Variants in SYT1 observed in about 807,000 individuals in gnomAD.
SYT1 encodes the protein synaptotagmin 1.
In SYT1, 8 loss-of-function variants were observed where a neutral mutation model predicts 44.8. The ratio of observed to expected loss-of-function variants is 0.18; its 90% CI spans 0.10 to 0.32. SYT1 has a LOEUF of 0.32. SYT1 is among the 10% of genes least tolerant of loss of function. SYT1 has a pLI of 1.00. For synonymous variants in SYT1, 154 were observed against 188.8 expected, an observed-to-expected ratio of 0.82 and a Z score of 1.51; for missense variants, 286 against 509.3, an observed-to-expected ratio of 0.56 and a Z score of 4.22.
chr12:79,402,210 T>C (rs1316602327), intron 9 of SYT1, among the ~76,000 whole-genome samples: 2 of 152,130 alleles, frequency 1.3e-5, no homozygotes, highest in African/African-American at 2.4e-5. Context: ...GTTTCCATAA[T>C]GCTACACGCA....
intron 3 of SYT1, among the ~76,000 whole-genome samples, chr12:79,213,314 A>G (rs570663500): frequency 5.6e-4 from 85 of 152,222 alleles, no homozygotes; most frequent in South Asian, 1.2e-3. Context: ...AAAAAACAGG[A>G]TTATATTGGA....
intron 3 of SYT1, among the ~76,000 whole-genome samples, chr12:79,179,138 A>G (rs1242051217): frequency 8.4e-6 from 1 of 119,418 alleles, no homozygotes; most frequent in Non-Finnish European, 1.6e-5. Context: ...ATATATAGAT[A>G]TAGATATAGA....
intron 3 of SYT1, among the ~76,000 whole-genome samples, chr12:79,150,173 C>G (rs1352471662): frequency 6.6e-6 from 1 of 152,090 alleles, no homozygotes; most frequent in Non-Finnish European, 1.5e-5. Context: ...AAAATCTACT[C>G]TTTTAACAAT....
intron 4 of SYT1, among the ~76,000 whole-genome samples, chr12:79,222,809 TC>T (rs1296598204): frequency 1.3e-5 from 2 of 152,182 alleles, no homozygotes; most frequent in African/African-American, 4.8e-5. Context: ...CATTCTTTTT[TC>T]TTCTCTGACT....
intron 2 of SYT1, among the ~76,000 whole-genome samples, chr12:79,013,849 C>A (rs772327781): frequency 6.6e-6 from 1 of 151,966 alleles, no homozygotes; most frequent in African/African-American, 2.4e-5. Flanking sequence ...GCCTTCAGGC[C>A]GGACGCCGTG....
chr12:79,232,140 A>G (rs1452101730), intron 4 of SYT1, among the ~76,000 whole-genome samples: 2 of 152,222 alleles, frequency 1.3e-5, no homozygotes, highest in Non-Finnish European at 2.9e-5. Flanking sequence ...GTGTATATAA[A>G]GTGCTTAAAA....
intron 2 of SYT1, among the ~76,000 whole-genome samples, chr12:79,041,395 G>C (rs1873560276): frequency 6.6e-6 from 1 of 152,024 alleles, no homozygotes; most frequent in Non-Finnish European, 1.5e-5. Context: ...AATTGTGAAT[G>C]GGATTTCACT....
intron 1 of SYT1, among the ~76,000 whole-genome samples, chr12:78,959,910 G>A (rs1879416471): frequency 6.6e-6 from 1 of 152,172 alleles, no homozygotes; most frequent in Admixed American, 6.5e-5. Flanking sequence ...TGTGGTTATA[G>A]AGTTTGAACT....
At chr12:79,407,952 T>C (rs1428282098) in intron 9 of SYT1, among the ~76,000 whole-genome samples, 2 of 152,260 alleles carry the variant, frequency 1.3e-5, no homozygotes, top group East Asian at 1.9e-4. Flanking sequence ...TCAAACTGCC[T>C]TCTAACACTG....
At chr12:79,283,489 C>T (rs995152441) in intron 4 of SYT1, among the ~76,000 whole-genome samples, 1 of 152,048 alleles carries the variant, frequency 6.6e-6, no homozygotes, top group African/African-American at 2.4e-5. Context: ...TTTGTCTTGT[C>T]TTGTACAATT....
intron 3 of SYT1, among the ~76,000 whole-genome samples, chr12:79,104,916 T>C (rs1005356570): frequency 2.0e-5 from 3 of 151,902 alleles, no homozygotes; most frequent in Non-Finnish European, 4.4e-5. Flanking sequence ...GGAAATAGAT[T>C]TATTAGAGAT....
At chr12:79,229,205 C>T (rs545278138) in intron 4 of SYT1, among the ~76,000 whole-genome samples, 4 of 152,178 alleles carry the variant, frequency 2.6e-5, no homozygotes, top group African/African-American at 7.2e-5. Flanking sequence ...GCAGCCTAAA[C>T]GGGGAGGAGG....
chr12:78,897,464 T>A (rs888599097), intron 1 of SYT1, among the ~76,000 whole-genome samples: 1 of 151,952 alleles, frequency 6.6e-6, no homozygotes, highest in Non-Finnish European at 1.5e-5. Context: ...TAAAAGTGGA[T>A]CTTCATCATT....
At chr12:79,366,401 C>T (rs1195687569) in intron 9 of SYT1, among the ~76,000 whole-genome samples, 1 of 152,220 alleles carries the variant, frequency 6.6e-6, no homozygotes, top group Non-Finnish European at 1.5e-5. Flanking sequence ...CCTTAAAAGC[C>T]TCCCATCAGG....
At chr12:78,931,238 A>AGAAAGAAAGATGGAAG (rs1877667216) in intron 1 of SYT1, among the ~76,000 whole-genome samples, 1 of 41,120 alleles carries the variant, frequency 2.4e-5, no homozygotes, top group Non-Finnish European at 4.2e-5. Context: ...AAAGAAAGAA[A>AGAAAGAAAGATGGAAG]GAAGGAAGGA....
At chr12:79,333,368 C>T (rs934171306) in intron 8 of SYT1, among the ~76,000 whole-genome samples, 2 of 152,122 alleles carry the variant, frequency 1.3e-5, no homozygotes, top group East Asian at 3.9e-4. Flanking sequence ...GCCCTCATCA[C>T]CTAATCACCT....
chr12:78,875,944 C>G (rs955746282), intron 1 of SYT1, among the ~76,000 whole-genome samples: 5 of 151,616 alleles, frequency 3.3e-5, no homozygotes, highest in Admixed American at 2.6e-4. Context: ...CTTTCCCTTT[C>G]CCCTCATTTC....
chr12:79,004,378 G>T (rs1241538082), intron 2 of SYT1, among the ~76,000 whole-genome samples: 1 of 151,624 alleles, frequency 6.6e-6, no homozygotes, highest in East Asian at 1.9e-4. Context: ...TGGATATGAA[G>T]CACTGAGGAC....
chr12:79,122,855 A>T (rs1001874119), intron 3 of SYT1, among the ~76,000 whole-genome samples: 1 of 152,194 alleles, frequency 6.6e-6, no homozygotes, highest in African/African-American at 2.4e-5. Flanking sequence ...TCCAAGTTAT[A>T]ATTCTAACTG....
Sources: allele counts gnomAD v4.1 joint callset (sites outside exome capture counted in the v4.1 genomes callset), GRCh38; gene constraint gnomAD v4.1.1; transcripts MANE v1.5; gene names NCBI Gene and HGNC (gene_info 2026-07-23, HGNC 2026-07-21).